The following DPYD variants were observed in gnomAD, a reference collection of about 807,000 sequenced individuals.
DPYD encodes dihydropyrimidine dehydrogenase.
In DPYD, 109 loss-of-function variants were observed where a neutral mutation model predicts 116.2. The observed-to-expected ratio is 0.94, with a 90% CI of 0.80 to 1.10. DPYD has a LOEUF of 1.10. Ranked by LOEUF, DPYD falls within the 50% of genes least tolerant of loss-of-function variation. The pLI, the probability that DPYD is intolerant of heterozygous loss-of-function variation, is 0.00. For missense variants in DPYD, 1,302 were observed against 1,254.5 expected, an observed-to-expected ratio of 1.04 and a Z score of -0.57; for synonymous variants, 440 against 432.0, an observed-to-expected ratio of 1.02 and a Z score of -0.23.
intron 9 of DPYD, among the ~76,000 whole-genome samples, chr1:97,594,785 C>A (rs922822209): frequency 5.9e-5 from 9 of 152,046 alleles, no homozygotes; most frequent in African/African-American, 2.2e-4. Flanking sequence ...TTGTTAAGGA[C>A]TTGCTTACCT....
intron 1 of DPYD, among the ~76,000 whole-genome samples, chr1:97,911,502 TC>T (rs1286682110): frequency 1.3e-5 from 2 of 152,066 alleles, no homozygotes; most frequent in East Asian, 3.9e-4. Flanking sequence ...ATGTTTTGCT[TC>T]ATTTAATTTG....
intron 16 of DPYD, among the ~76,000 whole-genome samples, chr1:97,350,286 A>T (rs1670077092): frequency 6.6e-6 from 1 of 152,172 alleles, no homozygotes; most frequent in Non-Finnish European, 1.5e-5. Flanking sequence ...TTTGTCCAAA[A>T]TGTCTTATTT....
intron 14 of DPYD, among the ~76,000 whole-genome samples, chr1:97,401,151 A>T (rs1417204103): frequency 6.6e-6 from 1 of 152,130 alleles, no homozygotes; most frequent in East Asian, 1.9e-4. Context: ...CTCATTTTTT[A>T]AAATCTGGTT....
chr1:97,247,703 G>T (rs1352323503), intron 18 of DPYD, among the ~76,000 whole-genome samples: 2 of 152,052 alleles, frequency 1.3e-5, no homozygotes, highest in Non-Finnish European at 2.9e-5. Context: ...AATATAAAAG[G>T]ATAATAATAG....
chr1:97,522,176 C>G (rs1040217205), intron 12 of DPYD, among the ~76,000 whole-genome samples: 1 of 152,112 alleles, frequency 6.6e-6, no homozygotes, highest in African/African-American at 2.4e-5. Flanking sequence ...GGGCTAATAT[C>G]CAGAATCTAC....
intron 19 of DPYD, among the ~76,000 whole-genome samples, chr1:97,214,612 G>T (rs1660251389): frequency 6.6e-6 from 1 of 152,198 alleles, no homozygotes; most frequent in Admixed American, 6.5e-5. Context: ...CAGAAGGACT[G>T]GGTAGTGGAC....
intron 14 of DPYD, among the ~76,000 whole-genome samples, chr1:97,402,343 A>G (rs1673421529): frequency 1.3e-5 from 2 of 152,106 alleles, no homozygotes; most frequent in African/African-American, 4.8e-5. Context: ...TCATATTTTG[A>G]TAGACTTACA....
intron 20 of DPYD, among the ~76,000 whole-genome samples, chr1:97,112,899 A>G (rs531439696): frequency 2.0e-5 from 3 of 152,308 alleles, no homozygotes; most frequent in Non-Finnish European, 4.4e-5. Context: ...TCTTGACAGG[A>G]TAACAATTAC....
intron 13 of DPYD, among the ~76,000 whole-genome samples, chr1:97,499,270 T>C (rs1489583533): frequency 2.0e-5 from 3 of 151,844 alleles, no homozygotes; most frequent in Admixed American, 6.6e-5. Context: ...CTTGAATAAT[T>C]TGTTTATGAA....
chr1:97,131,245 T>A (rs549335072), intron 20 of DPYD, among the ~76,000 whole-genome samples: 1 of 152,268 alleles, frequency 6.6e-6, no homozygotes, highest in African/African-American at 2.4e-5. Flanking sequence ...AATATGGTAC[T>A]CATCCTTATT....
At chr1:97,436,223 TAA>T (rs768363894) in intron 14 of DPYD, among the ~76,000 whole-genome samples, 3 of 151,980 alleles carry the variant, frequency 2.0e-5, no homozygotes, top group Non-Finnish European at 4.4e-5. Context: ...AAATTGATAC[TAA>T]GTAAGATTAC....
intron 14 of DPYD, among the ~76,000 whole-genome samples, chr1:97,412,349 A>G (rs903924907): frequency 5.9e-5 from 9 of 152,132 alleles, no homozygotes; most frequent in South Asian, 2.1e-4. Context: ...CAAATGCCCA[A>G]ATGTTGATAT....
intron 14 of DPYD, among the ~76,000 whole-genome samples, chr1:97,385,646 GCA>G (rs1210204581): frequency 6.6e-6 from 1 of 151,656 alleles, no homozygotes; most frequent in Non-Finnish European, 1.5e-5. Flanking sequence ...TGCTCAATCA[GCA>G]CAGTCACAGC....
intron 8 of DPYD, among the ~76,000 whole-genome samples, chr1:97,661,803 T>A (rs1659272783): frequency 6.6e-6 from 1 of 151,952 alleles, no homozygotes; most frequent in South Asian, 2.1e-4. Flanking sequence ...TTAAGGAAAT[T>A]TGCTTTTTAA....
At chr1:97,370,704 C>T (rs983720168) in intron 16 of DPYD, among the ~76,000 whole-genome samples, 1 of 151,954 alleles carries the variant, frequency 6.6e-6, no homozygotes, top group African/African-American at 2.4e-5. Context: ...TTAACATTAA[C>T]AGAAAATTAA....
intron 14 of DPYD, among the ~76,000 whole-genome samples, chr1:97,407,235 T>C (rs1469138061): frequency 6.6e-6 from 1 of 152,172 alleles, no homozygotes; most frequent in African/African-American, 2.4e-5. Context: ...CAACATCAAA[T>C]AGTCTGGGTA....
chr1:97,293,866 C>G (rs1320489204), intron 18 of DPYD, among the ~76,000 whole-genome samples: 1 of 142,606 alleles, frequency 7.0e-6, no homozygotes, highest in Non-Finnish European at 1.6e-5. Flanking sequence ...GAGAATCGCT[C>G]GAACCCGGGA....
intron 11 of DPYD, among the ~76,000 whole-genome samples, chr1:97,556,541 T>C (rs1401541195): frequency 7.9e-6 from 1 of 126,768 alleles, no homozygotes; most frequent in Non-Finnish European, 1.6e-5. Flanking sequence ...GAGTGTGATA[T>C]TCCCCTTCCT....
chr1:97,624,595 C>T (rs1381025487), intron 8 of DPYD, among the ~76,000 whole-genome samples: 1 of 151,916 alleles, frequency 6.6e-6, no homozygotes, highest in Admixed American at 6.6e-5. Flanking sequence ...ACCATGTGAT[C>T]CAGAAATCCC....
Sources: allele counts gnomAD v4.1 joint callset (sites outside exome capture counted in the v4.1 genomes callset), GRCh38; gene constraint gnomAD v4.1.1; transcripts MANE v1.5; gene names NCBI Gene and HGNC (gene_info 2026-07-23, HGNC 2026-07-21).